ODF2: variants seen among roughly 807,000 people sequenced by gnomAD.
ODF2 encodes outer dense fiber of sperm tails 2.
Under a neutral mutation model 110.2 loss-of-function variants are expected in ODF2, and 47 were observed. That is an observed-to-expected ratio of 0.43 (90% CI 0.34 to 0.54). ODF2 has a LOEUF of 0.54. ODF2 is among the 20% of genes least tolerant of loss of function. The probability of loss-of-function intolerance (pLI) is 0.03; values close to 1 mark genes in which losing one functional copy is unlikely to be tolerated. For synonymous variants in ODF2, 352 were observed against 397.7 expected, an observed-to-expected ratio of 0.89 and a Z score of 1.37; for missense variants, 812 against 1,054.5, an observed-to-expected ratio of 0.77 and a Z score of 3.19.
intron 4 of ODF2, among the ~76,000 whole-genome samples, chr9:128,465,726 C>G (rs1288835950): frequency 1.4e-5 from 2 of 143,680 alleles, no homozygotes; most frequent in Admixed American, 7.1e-5. Flanking sequence ...GGCGACAGAG[C>G]GAGACTCCGT....
intron 20 of ODF2, 29 bp from the exon 21 acceptor site, chr9:128,500,038 C>T (rs964896837): frequency 1.2e-5 from 19 of 1,612,778 alleles, no homozygotes; most frequent in East Asian, 4.5e-5. Context: ...CACTGCACAG[C>T]GGGCCCATGC....
Position 128,496,268 on chromosome 9 carries a change from C to T in ODF2, c.2012+127C>T, listed in dbSNP as rs1377948608. 3 of 1,528,892 alleles carry T rather than the reference C, an allele frequency of 2.0e-6. No homozygotes were observed. In the East Asian group the frequency reaches 7.5e-5, roughly 38 times the overall value. 94.7% of individuals were successfully genotyped at this position (1,528,892 alleles called of 1,614,324 possible). ...AGGCCCTGGAAGGTACTAGGCAGAC[C>T]TCAGAGGAAAAGCTGCTTCCATTTC... On this transcript the variant is annotated intron_variant, in intron 18 of 20. Coordinates refer to ENST00000604420, the Ensembl canonical transcript of ODF2.
At chr9:128,471,606 C>G in intron 6 of ODF2, 138 bp downstream of exon 6, 1 of 697,524 alleles carries the variant, frequency 1.4e-6, no homozygotes, top group Non-Finnish European at 2.4e-6. Context: ...TCAACAGTCA[C>G]ACAATTAATT....
intron 1 of ODF2, chr9:128,456,832 G>T: frequency 1.5e-6 from 2 of 1,304,066 alleles, no homozygotes; most frequent in Non-Finnish European, 2.0e-6. Flanking sequence ...TTTCCCTCGC[G>T]GCGGGGCGCC....
At position 128,498,582 on chromosome 9, in the gene ODF2, C is replaced by T. The variant is rs760616605; in HGVS notation, c.2175+7C>T. On this transcript the variant is annotated splice_region_variant and intron_variant, in intron 19 of 20. Transcript: ENST00000604420. ...TGAAGATGCGAGGAGGCAGGTCAGT[C>T]CCGATTTCATGAATGACTAGCTCTG... 28 of 1,478,202 alleles carry T rather than the reference C, an allele frequency of 1.9e-5. No homozygotes were observed. In the South Asian group the frequency reaches 2.7e-4, roughly 14 times the overall value. The allele number at this position is 1,478,202 out of a possible 1,614,324, so 91.6% of individuals were successfully genotyped here. A position where few individuals can be genotyped will look rare whatever the true frequency, so the allele number is the denominator to read the frequency against.
intron 17 of ODF2, 45 bp from the exon 18 acceptor site, chr9:128,495,996 G>C: frequency 1.2e-6 from 2 of 1,609,636 alleles, no homozygotes; most frequent in Non-Finnish European, 1.7e-6. Flanking sequence ...GAGGGCTCTA[G>C]CGGGAAATTC....
At chr9:128,482,090 C>T (rs955693291) in intron 9 of ODF2, among the ~76,000 whole-genome samples, 1 of 152,138 alleles carries the variant, frequency 6.6e-6, no homozygotes, top group African/African-American at 2.4e-5. Flanking sequence ...TGCAAGAAAC[C>T]GAAGGGGAGG....
intron 16 of ODF2, among the ~76,000 whole-genome samples, chr9:128,493,389 A>G (rs1845008896): frequency 6.6e-6 from 1 of 151,908 alleles, no homozygotes; most frequent in Non-Finnish European, 1.5e-5. Flanking sequence ...TCTGTCTCAA[A>G]ACAAACAAAC....
intron 5 of ODF2, 150 bp from the exon 6 acceptor site, chr9:128,471,158 C>T: frequency 7.7e-6 from 5 of 652,066 alleles, no homozygotes; most frequent in Non-Finnish European, 1.3e-5. Context: ...AAGTGACCTA[C>T]CCACCTTGGC....
chr9:128,497,549 C>A (rs1269513146), intron 18 of ODF2: 4 of 139,696 alleles, frequency 2.9e-5, no homozygotes, highest in African/African-American at 1.1e-4. Flanking sequence ...AAGGCTGAGG[C>A]AGGAGAATGG....
In ODF2 at chr9:128,494,100, T is replaced by TA. The variant is rs1354156359; in HGVS notation, c.1753-409dup. ...TGAGCCACTGCACCTGGCTTGGAGTTAGACTAGACTTTAATCCTGTGTTTA... is the reference window on the plus strand; with the variant it reads ...TGAGCCACTGCACCTGGCTTGGAGTTAAGACTAGACTTTAATCCTGTGTTTA... On this transcript the variant is annotated intron_variant, in intron 16 of 20. Coordinates refer to ENST00000604420, the Ensembl canonical transcript of ODF2. This position sits in a 1 kb window ranked among gnomAD's most constrained non-coding sequence, Gnocchi z 4.6. Among the ~76,000 whole-genome samples, 1 of 152,206 alleles carries TA rather than the reference T, an allele frequency of 6.6e-6. No individual in the cohort carries two copies.
At chr9:128,456,855 A>T in intron 1 of ODF2, 2 of 1,295,196 alleles carry the variant, frequency 1.5e-6, no homozygotes, top group Non-Finnish European at 9.8e-7. Context: ...GGGCCCGTGC[A>T]ACCTCCGCGC....
At chr9:128,457,410 C>T in exon 2 of ODF2, 1 of 1,613,078 alleles carries the variant, frequency 6.2e-7, no homozygotes, top group Non-Finnish European at 8.5e-7. Context: ...CTAGCCATGT[C>T]TGCCTCATCC....
intron 18 of ODF2, chr9:128,497,423 TAAAAAAAAA>T (rs1165078375): frequency 1.6e-3 from 17 of 10,340 alleles, no homozygotes; most frequent in African/African-American, 4.8e-3. Flanking sequence ...CCGTCTCTAC[TAAAAAAAAA>T]AAAAAAAAAA....
intron 2 of ODF2, among the ~76,000 whole-genome samples, chr9:128,458,615 C>A (rs1332463800): frequency 6.9e-6 from 1 of 145,984 alleles, no homozygotes; most frequent in Non-Finnish European, 1.5e-5. Flanking sequence ...GCTGTCTTTG[C>A]AGATCTGGTG....
intron 8 of ODF2, among the ~76,000 whole-genome samples, chr9:128,477,286 C>T (rs946059851): frequency 4.6e-5 from 7 of 151,286 alleles, no homozygotes; most frequent in Non-Finnish European, 7.4e-5. Context: ...TGGTGGCTCA[C>T]GCCTGTAATT....
chr9:128,468,587 A>G (rs1004476462), intron 4 of ODF2, among the ~76,000 whole-genome samples: 1 of 151,884 alleles, frequency 6.6e-6, no homozygotes, highest in Non-Finnish European at 1.5e-5. Flanking sequence ...CAATGGCGCA[A>G]TCTTGGCTCA....
intron 4 of ODF2, among the ~76,000 whole-genome samples, chr9:128,466,325 A>C (rs777711248): frequency 2.6e-5 from 4 of 151,712 alleles, no homozygotes; most frequent in Non-Finnish European, 5.9e-5. Context: ...AAATTAGCCC[A>C]GTGTGGTGGT....
At position 128,500,078 on chromosome 9, in the gene ODF2, C is replaced by G. The variant is rs1461388495; in HGVS notation, c.2313C>G (p.Arg771=). The stretch of plus-strand genomic sequence containing the variant: ...TTTCTCCTCGTTAGGCGGACCGCCG[C>G]TACCAGAGCCGGCTGCAAGACCTGA... Residue 771 remains arginine (R), a synonymous_variant, in exon 21 of 21, where the codon CGC becomes CGG. Coordinates refer to ENST00000604420, the Ensembl canonical transcript of ODF2. 3 of 1,614,270 alleles carry G rather than the reference C, an allele frequency of 1.9e-6. No homozygotes were observed. In the Admixed American group the frequency reaches 5.0e-5, roughly 27 times the overall value.
Sources: gnomAD v4.1 joint callset for allele counts (sites outside exome capture counted in the v4.1 genomes callset) on GRCh38, gnomAD v4.1.1 for gene constraint, Gnocchi (gnomAD v3.1) non-coding constraint, MANE v1.5 for transcripts, NCBI Gene and HGNC (gene_info 2026-07-23, HGNC 2026-07-21) for gene names.